Variants in ANKS1B observed in about 807,000 individuals in gnomAD.
ANKS1B encodes ankyrin repeat and sterile alpha motif domain-containing protein 1B.
In ANKS1B, 36 loss-of-function variants were observed where a neutral mutation model predicts 148.3. That is an observed-to-expected ratio of 0.24 (90% CI 0.19 to 0.32). The LOEUF (loss-of-function observed/expected upper bound fraction) is 0.32. ANKS1B is among the 10% of genes least tolerant of loss of function. The probability of loss-of-function intolerance (pLI) is 1.00; values close to 1 mark genes in which losing one functional copy is unlikely to be tolerated. For missense variants in ANKS1B, 1,157 were observed against 1,542.6 expected, an observed-to-expected ratio of 0.75 and a Z score of 4.19; for synonymous variants, 542 against 560.8, an observed-to-expected ratio of 0.97 and a Z score of 0.47.
At chr12:98,886,977 G>A (rs1479555683) in intron 17 of ANKS1B, among the ~76,000 whole-genome samples, 1 of 152,148 alleles carries the variant, frequency 6.6e-6, no homozygotes, top group Non-Finnish European at 1.5e-5. Context: ...AGTTGGCAAT[G>A]AAATCTAGGC....
intron 15 of ANKS1B, among the ~76,000 whole-genome samples, chr12:99,097,849 G>A (rs2056714557): frequency 6.6e-6 from 1 of 152,154 alleles, no homozygotes; most frequent in Non-Finnish European, 1.5e-5. Flanking sequence ...TGTTCTGGAG[G>A]TTCTAACAAG....
chr12:99,224,591 C>G lies in ANKS1B; in HGVS notation c.2419+19751G>C, dbSNP rs946505358. On this transcript the variant is annotated intron_variant, in intron 14 of 26. Coordinates refer to ENST00000683438, the MANE Select transcript of ANKS1B (RefSeq NM_001352186.2). ...CGTCATGAGTAAAAACTCCCTGAAG[C>G]CTCCCCAGAAGCAGATGCCGCTATA... 3.9e-5 allele frequency among the ~76,000 whole-genome samples: 6 copies of G among 152,138 alleles called. No homozygotes were observed. The East Asian group carries it at 9.6e-4, about 24-fold the overall frequency.
chr12:99,057,412 T>C (rs924954548), intron 16 of ANKS1B, among the ~76,000 whole-genome samples: 3 of 152,234 alleles, frequency 2.0e-5, no homozygotes, highest in Non-Finnish European at 4.4e-5. Context: ...GCTGCTAGTC[T>C]TTTCAGCTTC....
intron 14 of ANKS1B, among the ~76,000 whole-genome samples, chr12:99,210,325 ACT>A (rs2083185683): frequency 6.6e-6 from 1 of 152,056 alleles, no homozygotes; most frequent in South Asian, 2.1e-4. Context: ...CCAAAACAAG[ACT>A]CTGTATCATA....
chr12:99,654,895 G>A (rs191011457), intron 9 of ANKS1B, among the ~76,000 whole-genome samples, 172 bp downstream of exon 9: 1 of 152,130 alleles, frequency 6.6e-6, no homozygotes, highest in East Asian at 1.9e-4. Flanking sequence ...GTACACATAT[G>A]CACACCAAGT....
intron 17 of ANKS1B, among the ~76,000 whole-genome samples, chr12:98,859,165 C>T (rs1315279365): frequency 6.6e-6 from 1 of 152,162 alleles, no homozygotes; most frequent in African/African-American, 2.4e-5. Flanking sequence ...GGATATAACG[C>T]CAGGATTTCT....
At chr12:98,762,327 A>G (rs2098419737) in intron 25 of ANKS1B, among the ~76,000 whole-genome samples, 2 of 152,140 alleles carry the variant, frequency 1.3e-5, no homozygotes, top group African/African-American at 2.4e-5. Context: ...TCTGATTAGA[A>G]GGGGCTATCT....
chr12:99,050,690 C>CTTTTT (rs62812561), intron 17 of ANKS1B, among the ~76,000 whole-genome samples: 13 of 113,550 alleles, frequency 1.1e-4, no homozygotes, highest in Non-Finnish European at 1.7e-4. Context: ...TTTTCTTTTT[C>CTTTTT]TTTTTTTTTT....
At chr12:99,352,488 T>G (rs2091532191) in intron 12 of ANKS1B, among the ~76,000 whole-genome samples, 1 of 152,016 alleles carries the variant, frequency 6.6e-6, no homozygotes, top group Non-Finnish European at 1.5e-5. Context: ...CTGACTTGAG[T>G]TCTGGCATAA....
At chr12:98,827,417 T>C (rs116513220) in intron 19 of ANKS1B, among the ~76,000 whole-genome samples, 1,755 of 152,306 alleles carry the variant, frequency 0.012, 23 homozygotes, top group African/African-American at 0.04. Context: ...TCAGCCTGCT[T>C]ATCTCACTCT....
At chr12:98,977,377 A>G (rs908418097) in intron 17 of ANKS1B, among the ~76,000 whole-genome samples, 1 of 152,194 alleles carries the variant, frequency 6.6e-6, no homozygotes, top group Admixed American at 6.5e-5. Context: ...AGTCAGTGCC[A>G]TTTTGTGGTA....
intron 9 of ANKS1B, among the ~76,000 whole-genome samples, chr12:99,634,492 G>A (rs900471386): frequency 1.3e-5 from 2 of 152,066 alleles, no homozygotes; most frequent in Non-Finnish European, 2.9e-5. Context: ...ATAAACAACA[G>A]AAAATAGGCT....
chr12:99,254,508 A>G (rs2075029344), intron 12 of ANKS1B, among the ~76,000 whole-genome samples: 1 of 152,214 alleles, frequency 6.6e-6, no homozygotes, highest in African/African-American at 2.4e-5. Flanking sequence ...TCTTGACAGA[A>G]GAAAGTCATA....
rs79061842 is a variant in ANKS1B at position 99,243,546 on chromosome 12, T to C, written c.2419+796A>G. ...TACTGGGTATATACCTAAAGGATCA[T>C]AAATCATGTTACTATGAAGACACAT... On this transcript the variant is annotated intron_variant, in intron 14 of 26. Coordinates refer to ENST00000683438, the MANE Select transcript of ANKS1B (RefSeq NM_001352186.2). Among the ~76,000 whole-genome samples the C allele has an allele frequency of 3.1e-3, 478 of 152,348 alleles. 1 individual carries two copies. The highest frequency in any genetic ancestry group is 0.011 in the African/African-American group (472 of 41,580).
At chr12:99,758,372 GAGAAAAATACATA>G (rs1429147182) in intron 8 of ANKS1B, among the ~76,000 whole-genome samples, 1 of 151,834 alleles carries the variant, frequency 6.6e-6, no homozygotes, top group Non-Finnish European at 1.5e-5. Flanking sequence ...CAGTGATACA[GAGAAAAATACATA>G]TAAATGATTC....
At chr12:99,096,382 AT>A (rs1034096722) in intron 15 of ANKS1B, among the ~76,000 whole-genome samples, 1 of 151,322 alleles carries the variant, frequency 6.6e-6, no homozygotes, top group Non-Finnish European at 1.5e-5. Flanking sequence ...AAAAAAAAAA[AT>A]TTTTCCACAT....
At chr12:99,570,572 A>T (rs1442569491) in intron 9 of ANKS1B, among the ~76,000 whole-genome samples, 3 of 151,180 alleles carry the variant, frequency 2.0e-5, no homozygotes, top group Non-Finnish European at 4.4e-5. Flanking sequence ...GCGTGAACCC[A>T]GGAGGCGGGG....
At chr12:99,764,120 C>A (rs1453996998) in intron 8 of ANKS1B, among the ~76,000 whole-genome samples, 10 of 152,136 alleles carry the variant, frequency 6.6e-5, no homozygotes, top group Non-Finnish European at 1.5e-4. Flanking sequence ...TGTTTTTATG[C>A]CCATGACCTG....
chr12:99,205,900 T>C (rs1376018230), intron 14 of ANKS1B, among the ~76,000 whole-genome samples: 1 of 152,148 alleles, frequency 6.6e-6, no homozygotes, highest in African/African-American at 2.4e-5. Flanking sequence ...CTTGAGCACT[T>C]AGTTGAGGCA....
Sources: gnomAD v4.1 joint callset for allele counts (sites outside exome capture counted in the v4.1 genomes callset) on GRCh38, gnomAD v4.1.1 for gene constraint, MANE v1.5 for transcripts, NCBI Gene and HGNC (gene_info 2026-07-23, HGNC 2026-07-21) for gene names.